ZNF511: variants seen among roughly 807,000 people sequenced by gnomAD.
ZNF511 encodes the protein zinc finger protein 511.
Under a neutral mutation model 24.8 loss-of-function variants are expected in ZNF511, and 26 were observed. That is an observed-to-expected ratio of 1.05 (90% confidence interval 0.77 to 1.46). ZNF511 has a LOEUF of 1.46. ZNF511 is among the 40% of genes most tolerant of loss of function. The probability of loss-of-function intolerance (pLI) is 0.00; values close to 1 mark genes in which losing one functional copy is unlikely to be tolerated. For synonymous variants in ZNF511, 144 were observed against 139.6 expected, an observed-to-expected ratio of 1.03 and a Z score of -0.22; for missense variants, 358 against 345.0, an observed-to-expected ratio of 1.04 and a Z score of -0.30.
chr10:133,312,737 G>C, intron 5 of ZNF511, 51 bp from the exon 6 acceptor site: 1 of 1,613,782 alleles, frequency 6.2e-7, no homozygotes, highest in Non-Finnish European at 8.5e-7. Flanking sequence ...TTATGACCTG[G>C]GTTGTTGGTT....
Position 133,311,699 on chromosome 10 carries a change from C to T in ZNF511, c.555-17C>T, listed in dbSNP as rs556127105. 251 of 1,608,204 alleles carry T rather than the reference C, an allele frequency of 1.6e-4. 4 individuals are homozygous for T. In the South Asian group the frequency reaches 2.2e-3, roughly 14 times the overall value. On this transcript the variant is annotated splice_polypyrimidine_tract_variant and intron_variant, in intron 4 of 5. Coordinates refer to ENST00000361518, the MANE Select transcript of ZNF511 (RefSeq NM_145806.4). ...GGGAGCCGTGCAGGGCAGTTACTCACTGCTCTCTCCCCGCAGCCCAGCCTC... is the reference window on the plus strand; with the variant it reads ...GGGAGCCGTGCAGGGCAGTTACTCATTGCTCTCTCCCCGCAGCCCAGCCTC...
intron 4 of ZNF511, 72 bp downstream of exon 4, chr10:133,310,360 A>G (rs912255108): frequency 1.3e-5 from 21 of 1,587,730 alleles, no homozygotes; most frequent in South Asian, 1.1e-5. Context: ...GCCGGAATGC[A>G]TAGACGGTCA....
chr10:133,309,751 C>G, intron 2 of ZNF511, 25 bp from the exon 3 acceptor site: 1 of 1,611,548 alleles, frequency 6.2e-7, no homozygotes. Flanking sequence ...GGAGGAAGGG[C>G]TCCTGAAGCA....
intron 1 of ZNF511, 109 bp from the exon 2 acceptor site, chr10:133,309,281 G>T: frequency 7.1e-7 from 1 of 1,414,546 alleles, no homozygotes; most frequent in South Asian, 1.3e-5. Context: ...TGAGGCTGTG[G>T]GGCGGGACCG....
chr10:133,311,465 T>C (rs1334980123), intron 4 of ZNF511, among the ~76,000 whole-genome samples: 1 of 152,024 alleles, frequency 6.6e-6, no homozygotes, highest in African/African-American at 2.4e-5. Flanking sequence ...AATACTATTT[T>C]CAAAAAAAAG....
At chr10:133,310,459 A>T in intron 4 of ZNF511, 171 bp downstream of exon 4, 1 of 838,644 alleles carries the variant, frequency 1.2e-6, no homozygotes, top group Non-Finnish European at 1.8e-6. Flanking sequence ...TGGTTGTGCC[A>T]GCGGCCACCC....
In ZNF511 at chr10:133,311,807, G is replaced by A. The variant is rs1190363761; in HGVS notation, c.646G>A (p.Ala216Thr). Residue 216 changes from alanine to threonine, a missense_variant, in exon 5 of 6, where the codon GCA becomes ACA. Ala to Thr is a moderately conservative substitution (Grantham distance 58, BLOSUM62 0). Transcript: ENST00000361518. ...ICSEPVAASP[A>T]PAGERRIYRH... ...CTCTGAGCCTGTGGCAGCCTCCCCTGCACCGGCAGGTGAGAGGCGGATCTA... is the reference window on the plus strand; with the variant it reads ...CTCTGAGCCTGTGGCAGCCTCCCCTACACCGGCAGGTGAGAGGCGGATCTA... 4 of 1,613,336 alleles carry A rather than the reference G, an allele frequency of 2.5e-6. No homozygotes were observed. The South Asian group carries it at 3.3e-5, about 13-fold the overall frequency.
chr10:133,312,759 C>T, intron 5 of ZNF511, 29 bp from the exon 6 acceptor site: 1 of 1,614,138 alleles, frequency 6.2e-7, no homozygotes, highest in Non-Finnish European at 8.5e-7. Flanking sequence ...GCAAATACAG[C>T]ATCTAATAGA....
chr10:133,309,107 A>G lies in ZNF511; in HGVS notation c.153+11A>G, dbSNP rs1847918924. 7.6e-7 allele frequency: 1 copy of G among 1,322,388 alleles called. No individual in the cohort carries two copies. The allele number at this position is 1,322,388 out of a possible 1,614,324, so 81.9% of individuals were successfully genotyped here. On this transcript the variant is annotated intron_variant, in intron 1 of 5. Transcript: ENST00000361518. ...CACCAGTTCTTCGAGGTGCGTGAGC[A>G]AAAGAGGGAAAAAGTAGTTGTAGGA... is the stretch of plus-strand genomic sequence containing the variant.
intron 4 of ZNF511, 123 bp downstream of exon 4, chr10:133,310,411 C>T (rs1192318879): frequency 2.5e-6 from 3 of 1,214,324 alleles, no homozygotes; most frequent in Non-Finnish European, 3.4e-6. Flanking sequence ...GGGGTGTTCA[C>T]CTGCAGGTAC....
chr10:133,311,123 T>G (rs1195430870), intron 4 of ZNF511, among the ~76,000 whole-genome samples: 1 of 152,224 alleles, frequency 6.6e-6, no homozygotes, highest in Non-Finnish European at 1.5e-5. Context: ...TAAATTGTGT[T>G]ATATTTCTTC....
intron 5 of ZNF511, chr10:133,312,328 G>A (rs916717404): frequency 8.6e-7 from 1 of 1,168,814 alleles, no homozygotes; most frequent in Non-Finnish European, 1.1e-6. Context: ...TCTAGTTAAA[G>A]TTGATTTTAA....
At chr10:133,311,907 G>T (rs1426912311) in intron 5 of ZNF511, 66 bp downstream of exon 5, 1 of 1,613,176 alleles carries the variant, frequency 6.2e-7, no homozygotes, top group Admixed American at 1.7e-5. Flanking sequence ...ATTCTGGGCT[G>T]CACCTGGGCC....
chr10:133,311,873 C>G, intron 5 of ZNF511, 32 bp downstream of exon 5: 1 of 1,613,316 alleles, frequency 6.2e-7, no homozygotes, highest in African/African-American at 1.3e-5. Context: ...GAAACCCGTT[C>G]TCAACATGTG....
chr10:133,309,214 G>A, intron 1 of ZNF511, 118 bp downstream of exon 1: 4 of 1,336,930 alleles, frequency 3.0e-6, no homozygotes, highest in Non-Finnish European at 3.9e-6. Context: ...GCCGGAGCCT[G>A]GGACAGGCGG....
chr10:133,312,606 C>A, intron 5 of ZNF511, 182 bp from the exon 6 acceptor site: 1 of 1,488,612 alleles, frequency 6.7e-7, no homozygotes, highest in East Asian at 2.3e-5. Context: ...GGCGGGGACC[C>A]CCCACAGGAA....
At chr10:133,310,958 C>G (rs1252739173) in intron 4 of ZNF511, among the ~76,000 whole-genome samples, 1 of 152,116 alleles carries the variant, frequency 6.6e-6, no homozygotes, top group African/African-American at 2.4e-5. Context: ...CGCATCGCCG[C>G]ACTCGGCAAA....
Position 133,312,168 on chromosome 10 carries a change from T to A in ZNF511, c.680+327T>A, listed in dbSNP as rs535859506. The A allele has an allele frequency of 9.9e-4, 1,409 of 1,418,402 alleles. 1 individual carries two copies. Among genetic ancestry groups the A allele is most frequent in the Non-Finnish European group, 8.6e-4 (936 of 1,094,550 alleles). 87.9% of individuals were successfully genotyped at this position (1,418,402 alleles called of 1,614,324 possible). A position where few individuals can be genotyped will look rare whatever the true frequency, so the allele number is the denominator to read the frequency against. On this transcript the variant is annotated intron_variant, in intron 5 of 5. Transcript: ENST00000361518. ...AGGCGTCTGCCTTAATAGCATCACCTGTGCCGTCTGCGTTTCTAGCGTCAC... is the reference window on the plus strand; with the variant it reads ...AGGCGTCTGCCTTAATAGCATCACCAGTGCCGTCTGCGTTTCTAGCGTCAC...
In ZNF511 at chr10:133,311,924, C is replaced by T. The variant is rs528800092; in HGVS notation, c.680+83C>T. 331 of 1,613,138 alleles carry T rather than the reference C, an allele frequency of 2.1e-4. 1 individual carries two copies. The highest frequency in any genetic ancestry group is 2.5e-4 in the Non-Finnish European group (297 of 1,180,024). The stretch of plus-strand genomic sequence containing the variant: ...TCTGGGCTGCACCTGGGCCGCAGCT[C>T]TTCTCATACTGAATTCAGAAAGGTA... On this transcript the variant is annotated intron_variant, in intron 5 of 5. Transcript: ENST00000361518.
Sources: allele counts gnomAD v4.1 joint callset (sites outside exome capture counted in the v4.1 genomes callset), GRCh38; gene constraint gnomAD v4.1.1; transcripts MANE v1.5; gene names NCBI Gene and HGNC (gene_info 2026-07-23, HGNC 2026-07-21).